Variants in OAS3 observed in about 807,000 individuals in gnomAD.
The protein encoded by OAS3 is 2'-5'-oligoadenylate synthetase 3.
Under a neutral mutation model 113.0 loss-of-function variants are expected in OAS3, and 107 were observed. The observed-to-expected ratio is 0.95, with a 90% confidence interval of 0.81 to 1.11. The LOEUF is 1.11. Among genes scored for constraint, OAS3 ranks in the 50% most tolerant of loss-of-function variants. The pLI is 0.00. For synonymous variants in OAS3, 552 were observed against 573.6 expected (o/e 0.96, Z 0.54); for missense variants, 1,258 against 1,389.1 (o/e 0.91, Z 1.50).
intron 2 of OAS3, among the ~76,000 whole-genome samples, chr12:112,943,809 G>A (rs2043702719): frequency 6.6e-6 from 1 of 152,180 alleles, no homozygotes; most frequent in South Asian, 2.1e-4. Context: ...TGCCTCCTGA[G>A]TTCAAGCAAT....
At chr12:112,942,309 C>T (rs2136343500) in intron 2 of OAS3, 2 of 266,836 alleles carry the variant, frequency 7.5e-6, no homozygotes, top group Non-Finnish European at 7.2e-6. Context: ...AAAAATAGGC[C>T]TCTGTGTCCT....
chr12:112,960,513 G>A (rs2043872790), intron 7 of OAS3, among the ~76,000 whole-genome samples: 1 of 152,104 alleles, frequency 6.6e-6, no homozygotes, highest in African/African-American at 2.4e-5. Context: ...TCTTTTTCTG[G>A]AAGATAACGT....
At chr12:112,967,256 C>T (rs145445612) in intron 12 of OAS3, among the ~76,000 whole-genome samples, 162 bp from the exon 13 acceptor site, 1 of 152,220 alleles carries the variant, frequency 6.6e-6, no homozygotes, top group Non-Finnish European at 1.5e-5. Flanking sequence ...GATCAGGCCA[C>T]ATCTGTGTTC....
chr12:112,960,340 T>C (rs1593182279), intron 7 of OAS3, among the ~76,000 whole-genome samples: 1 of 152,084 alleles, frequency 6.6e-6, no homozygotes, highest in South Asian at 2.1e-4. Context: ...TTTTCTTTTT[T>C]CCCCCACCCA....
At chr12:112,968,221 T>C in intron 14 of OAS3, 47 bp downstream of exon 14, 1 of 1,571,544 alleles carries the variant, frequency 6.4e-7, no homozygotes, top group Non-Finnish European at 8.6e-7. Context: ...CTGGGATCAC[T>C]CACTCTCCCC....
At chr12:112,969,558 G>T in intron 14 of OAS3, 50 bp from the exon 15 acceptor site, 2 of 1,565,108 alleles carry the variant, frequency 1.3e-6, no homozygotes, top group Non-Finnish European at 1.7e-6. Flanking sequence ...GCCACAGGTG[G>T]ACACCTAGAT....
Position 112,941,593 on chromosome 12 carries a change from A to G in OAS3, c.201A>G (p.Thr67=). ...TVKGGSSGRG[T]ALKGGCDSEL... The stretch of plus-strand genomic sequence containing the variant: ...AGGGAGGCTCCTCGGGCCGGGGCAC[A>G]GCTCTCAAGGGTGGCTGTGATTCTG... Residue 67 remains threonine (T), a synonymous_variant, in exon 2 of 16, where the codon ACA becomes ACG. Coordinates refer to ENST00000228928, the MANE Select transcript of OAS3 (RefSeq NM_006187.4). The G allele has an allele frequency of 2.5e-6, 4 of 1,613,360 alleles. No homozygotes were observed. Among genetic ancestry groups the G allele is most frequent in the East Asian group, 2.2e-5 (1 of 44,862 alleles).
rs548348233 is a variant in OAS3 at position 112,960,587 on chromosome 12, T to G, written c.1658-484T>G. Among the ~76,000 whole-genome samples the G allele has an allele frequency of 8.5e-5, 13 of 152,294 alleles. No individual in the cohort carries two copies. In the South Asian group the frequency reaches 2.7e-3, roughly 32 times the overall value. On this transcript the variant is annotated intron_variant, in intron 7 of 15. Transcript: ENST00000228928. ...GTATTCTACATACTGTTCTAAGCAC[T>G]TCACATGTAGATTTCAATTGATTCT...
chr12:112,961,089 C>T lies in OAS3; in HGVS notation c.1676C>T (p.Thr559Ile). 2 of 1,613,618 alleles carry T rather than the reference C, an allele frequency of 1.2e-6. No individual in the cohort carries two copies. Among genetic ancestry groups the T allele is most frequent in the African/African-American group, 1.3e-5 (1 of 75,004 alleles). ...FDAVGQLSSG[T>I]KPNPQVYSRL... is the part of the protein sequence containing the mutation. ...TCTACAGGGCAGCTCAGTTCTGGCA[C>T]CAAACCAAATCCCCAGGTCTACTCG... The change falls in exon 8 of 16, where the codon ACC (threonine) becomes ATC (isoleucine). Residue 559 changes from threonine (T) to isoleucine (I), a missense_variant. Coordinates refer to ENST00000228928, the MANE Select transcript of OAS3 (RefSeq NM_006187.4).
In OAS3 at chr12:112,970,755, A is replaced by G. The variant is rs896693763; in HGVS notation, c.*782A>G. On this transcript the variant is annotated 3_prime_UTR_variant, in exon 16 of 16. Coordinates refer to ENST00000228928, the MANE Select transcript of OAS3 (RefSeq NM_006187.4). ...AGACACAGACAGAGGGAGTTGGGAC[A>G]TGCATGCTATGGGGACCCTCTTGTT... The G allele has an allele frequency of 1.3e-5, 2 of 152,260 alleles. No homozygotes were observed. Among genetic ancestry groups the G allele is most frequent in the African/African-American group, 4.8e-5 (2 of 41,466 alleles). 9.4% of individuals were successfully genotyped at this position (152,260 alleles called of 1,614,324 possible). A position where few individuals can be genotyped will look rare whatever the true frequency, so the allele number is the denominator to read the frequency against.
chr12:112,946,828 G>GT lies in OAS3; in HGVS notation c.723dup (p.Lys242Ter). 1 of 1,613,870 alleles carries GT rather than the reference G, an allele frequency of 6.2e-7. No individual in the cohort carries two copies. The highest frequency in any genetic ancestry group is 8.5e-7 in the Non-Finnish European group (1 of 1,179,838). ...ACCATCTTCGCCTGGGAGCAGGGCT[G>GT]TAAGAAGGATGCTTTCAGCCTAGCC... On this transcript the variant is annotated frameshift_variant, in exon 4 of 16. Transcript: ENST00000228928. LOFTEE classifies it high-confidence loss of function.
rs1238352846 is a variant in OAS3, at chr12:112,969,681, G to A, written c.3178G>A (p.Glu1060Lys). 6.2e-7 allele frequency: 1 copy of A among 1,612,208 alleles called. No homozygotes were observed. The highest frequency in any genetic ancestry group is 2.2e-5 in the East Asian group (1 of 44,848). The change falls in exon 15 of 16, where the codon GAA (glutamate) becomes AAA (lysine). Residue 1060 changes from glutamate (E) to lysine (K), a missense_variant. Physicochemically the swap from Glu to Lys is moderately conservative, Grantham distance 56 (BLOSUM62 1). Transcript: ENST00000228928. Reference protein sequence around the residue: ...HNARWDLLAKEAAACTSALCC... With the variant: ...HNARWDLLAKKAAACTSALCC... ...TGCCCGCTGGGACCTGCTGGCCAAG[G>A]AAGCTGCAGCCTGCACATCTGCCCT... is the stretch of plus-strand genomic sequence containing the variant.
chr12:112,947,846 C>T, intron 4 of OAS3, 100 bp from the exon 5 acceptor site: 2 of 1,114,084 alleles, frequency 1.8e-6, no homozygotes, highest in African/African-American at 1.6e-5. Flanking sequence ...TGCCCCAGGT[C>T]ACACAGCTGG....
At position 112,970,117 on chromosome 12, in the gene OAS3, T is replaced by C; in HGVS notation, c.*144T>C. ...ATGTGTGCATGTGTGTGCACACGTG[T>C]GCATGTGTGTGTTTTAGTGAATCTG... is the stretch of plus-strand genomic sequence containing the variant. On this transcript the variant is annotated 3_prime_UTR_variant, in exon 16 of 16. Transcript: ENST00000228928. 6 of 929,566 alleles carry C rather than the reference T, an allele frequency of 6.5e-6. No homozygotes were observed. The highest frequency in any genetic ancestry group is 1.0e-5 in the Non-Finnish European group (6 of 588,776). 57.6% of individuals were successfully genotyped at this position (929,566 alleles called of 1,614,324 possible).
intron 14 of OAS3, 138 bp from the exon 15 acceptor site, chr12:112,969,470 G>C: frequency 1.0e-6 from 1 of 961,682 alleles, no homozygotes; most frequent in Non-Finnish European, 1.6e-6. Flanking sequence ...GTAGTGTATA[G>C]GAGCACTGAG....
chr12:112,953,699 A>G (rs925113890), intron 7 of OAS3, among the ~76,000 whole-genome samples: 26 of 152,072 alleles, frequency 1.7e-4, no homozygotes, highest in Admixed American at 1.2e-3. Flanking sequence ...GTGAGATGGT[A>G]TCTCATTGTG....
At chr12:112,953,122 T>C (rs1015829048) in intron 7 of OAS3, among the ~76,000 whole-genome samples, 2 of 152,128 alleles carry the variant, frequency 1.3e-5, no homozygotes, top group African/African-American at 4.8e-5. Context: ...TATCTTCTAA[T>C]GCTATCCCTC....
In OAS3 at chr12:112,941,758, G is replaced by A; in HGVS notation, c.366G>A (p.Glu122=). The A allele has an allele frequency of 1.2e-6, 2 of 1,614,058 alleles. No homozygotes were observed. The highest frequency in any genetic ancestry group is 1.7e-6 in the Non-Finnish European group (2 of 1,179,908). Reference sequence around the variant, plus strand: ...CTGGTCTGAGACTCACGTTTCCTGAGCAGAGCGTGCCTGGGGCCCTGCAGT... The same window carrying A: ...CTGGTCTGAGACTCACGTTTCCTGAACAGAGCGTGCCTGGGGCCCTGCAGT... ...PVPGLRLTFP[E]QSVPGALQFR... The change falls in exon 2 of 16, where the codon GAG becomes GAA. Residue 122 remains glutamate (E), a synonymous_variant. Transcript: ENST00000228928.
chr12:112,957,975 A>G (rs943574303), intron 7 of OAS3, among the ~76,000 whole-genome samples: 2 of 152,240 alleles, frequency 1.3e-5, no homozygotes, highest in African/African-American at 4.8e-5. Context: ...CGGTACACCA[A>G]TCAGACATAG....
Sources: allele counts gnomAD v4.1 joint callset (sites outside exome capture counted in the v4.1 genomes callset), GRCh38; gene constraint gnomAD v4.1.1; transcripts MANE v1.5; gene names NCBI Gene and HGNC (gene_info 2026-07-23, HGNC 2026-07-21).